Variants in NEGR1 observed in about 807,000 individuals in gnomAD.
NEGR1 encodes the protein neuronal growth regulator 1.
Under a neutral mutation model 40.9 loss-of-function variants are expected in NEGR1, and 10 were observed. The ratio of observed to expected loss-of-function variants is 0.24; its 90% confidence interval spans 0.15 to 0.42. The LOEUF is 0.42. Ranked by LOEUF, NEGR1 falls within the 10% of genes least tolerant of loss-of-function variation. NEGR1 has a pLI of 1.00. For missense variants in NEGR1, 352 were observed against 438.9 expected, an observed-to-expected ratio of 0.80 and a Z score of 1.77; for synonymous variants, 185 against 166.8, an observed-to-expected ratio of 1.11 and a Z score of -0.84.
chr1:71,988,252 G>T (rs1368385645), intron 1 of NEGR1, among the ~76,000 whole-genome samples: 5 of 152,110 alleles, frequency 3.3e-5, no homozygotes, highest in African/African-American at 1.2e-4. Context: ...AAGGGAGGAA[G>T]AAAAAAGAAG....
At position 71,744,649 on chromosome 1, in the gene NEGR1, A is replaced by C. The variant is rs188532421; in HGVS notation, c.535+31523T>G. On this transcript the variant is annotated intron_variant, in intron 3 of 6. Coordinates refer to ENST00000357731, the MANE Select transcript of NEGR1 (RefSeq NM_173808.3). ...CCTTGAGAAGGGTGAAATTCACCTAATGCATACAGGTATGTAGACACCATC... is the reference window on the plus strand; with the variant it reads ...CCTTGAGAAGGGTGAAATTCACCTACTGCATACAGGTATGTAGACACCATC... Among the ~76,000 whole-genome samples the C allele has an allele frequency of 5.6e-4, 85 of 152,196 alleles. 1 individual carries two copies. The East Asian group carries it at 0.011, about 19-fold the overall frequency.
intron 1 of NEGR1, among the ~76,000 whole-genome samples, chr1:72,096,667 A>G (rs1203458886): frequency 6.6e-6 from 1 of 151,206 alleles, no homozygotes; most frequent in African/African-American, 2.4e-5. Flanking sequence ...ATTTTATTTT[A>G]TTTTATTTTT....
chr1:71,547,093 G>A (rs1647924289), intron 6 of NEGR1, among the ~76,000 whole-genome samples: 2 of 151,622 alleles, frequency 1.3e-5, no homozygotes, highest in African/African-American at 4.8e-5. Context: ...ATTGAACTGG[G>A]GGACAATTGT....
At chr1:71,928,097 CATATGTATATAT>C (rs1557438275) in intron 2 of NEGR1, among the ~76,000 whole-genome samples, 2 of 121,544 alleles carry the variant, frequency 1.6e-5, no homozygotes, top group Non-Finnish European at 1.7e-5. Flanking sequence ...TATATACACA[CATATGTATATAT>C]ACACATATGT....
At chr1:71,663,277 T>C (rs1176820862) in intron 4 of NEGR1, among the ~76,000 whole-genome samples, 2 of 152,140 alleles carry the variant, frequency 1.3e-5, no homozygotes, top group African/African-American at 4.8e-5. Context: ...TTTTTTATAG[T>C]GGTTACGTGT....
chr1:72,280,547 T>C (rs1656207859), intron 1 of NEGR1, among the ~76,000 whole-genome samples: 1 of 152,218 alleles, frequency 6.6e-6, no homozygotes, highest in African/African-American at 2.4e-5. Context: ...GCTTAATTTA[T>C]ATCCTCTCTG....
intron 3 of NEGR1, among the ~76,000 whole-genome samples, chr1:71,750,284 C>T (rs1343093914): frequency 4.6e-5 from 7 of 152,266 alleles, no homozygotes; most frequent in Non-Finnish European, 7.4e-5. Flanking sequence ...TGAGCCACCG[C>T]GCCCGGCCCT....
At chr1:72,066,038 A>C (rs763366066) in intron 1 of NEGR1, among the ~76,000 whole-genome samples, 2 of 152,158 alleles carry the variant, frequency 1.3e-5, no homozygotes, top group Non-Finnish European at 2.9e-5. Context: ...ATCCAAGTAC[A>C]ACTATCAATA....
intron 1 of NEGR1, among the ~76,000 whole-genome samples, chr1:72,097,789 A>G (rs1648761538): frequency 6.6e-6 from 1 of 152,194 alleles, no homozygotes; most frequent in African/African-American, 2.4e-5. Context: ...TACATATAAT[A>G]TTGGCCTCAC....
chr1:71,806,288 G>T (rs1174880725), intron 2 of NEGR1, among the ~76,000 whole-genome samples: 2 of 151,960 alleles, frequency 1.3e-5, no homozygotes, highest in Admixed American at 1.3e-4. Context: ...TAAGCACCAT[G>T]TGAATTTTTA....
intron 5 of NEGR1, among the ~76,000 whole-genome samples, chr1:71,597,717 G>A (rs1649771050): frequency 6.6e-6 from 1 of 151,612 alleles, no homozygotes; most frequent in South Asian, 2.1e-4. Flanking sequence ...TACCAGCCTG[G>A]CCAACAGGGT....
At chr1:71,736,723 A>G (rs1019692080) in intron 3 of NEGR1, among the ~76,000 whole-genome samples, 3 of 152,178 alleles carry the variant, frequency 2.0e-5, no homozygotes, top group Admixed American at 1.3e-4. Context: ...AGGAACCTCA[A>G]CTGTAACTAG....
chr1:72,046,872 G>A (rs1390719056), intron 1 of NEGR1, among the ~76,000 whole-genome samples: 2 of 151,568 alleles, frequency 1.3e-5, no homozygotes, highest in Non-Finnish European at 3.0e-5. Flanking sequence ...TCTACAACAA[G>A]AAACAAATAA....
intron 2 of NEGR1, among the ~76,000 whole-genome samples, chr1:71,900,552 A>G (rs1469681769): frequency 6.6e-6 from 1 of 152,160 alleles, no homozygotes; most frequent in Non-Finnish European, 1.5e-5. Flanking sequence ...TGATACATGT[A>G]ATGTTTTGAA....
chr1:72,068,064 G>C (rs1479032547), intron 1 of NEGR1, among the ~76,000 whole-genome samples: 1 of 152,090 alleles, frequency 6.6e-6, no homozygotes, highest in Admixed American at 6.6e-5. Flanking sequence ...TAAAATTAGA[G>C]GTTCATTGAT....
chr1:71,802,389 A>G lies in NEGR1; in HGVS notation c.410-26092T>C, dbSNP rs578074563. Among the ~76,000 whole-genome samples, 11 of 152,298 alleles carry G rather than the reference A, an allele frequency of 7.2e-5. No individual in the cohort carries two copies. In the South Asian group the frequency reaches 1.9e-3, roughly 26 times the overall value. On this transcript the variant is annotated intron_variant, in intron 2 of 6. Transcript: ENST00000357731. The stretch of plus-strand genomic sequence containing the variant: ...TCCAGTGGCCAGCACAGGAAAATAG[A>G]GCTATTCATATGTGATCATGCTTTA...
At chr1:71,756,247 G>T (rs957010809) in intron 3 of NEGR1, among the ~76,000 whole-genome samples, 3 of 151,994 alleles carry the variant, frequency 2.0e-5, no homozygotes, top group Non-Finnish European at 2.9e-5. Context: ...TGTCATCTAA[G>T]ACTTTTTTGA....
chr1:72,197,067 A>T (rs981954999), intron 1 of NEGR1, among the ~76,000 whole-genome samples: 1 of 151,868 alleles, frequency 6.6e-6, no homozygotes, highest in Non-Finnish European at 1.5e-5. Flanking sequence ...AATTTTTGTG[A>T]TGTTACCTGA....
At chr1:71,679,376 A>T (rs1652754408) in intron 4 of NEGR1, among the ~76,000 whole-genome samples, 2 of 152,200 alleles carry the variant, frequency 1.3e-5, no homozygotes, top group South Asian at 4.1e-4. Context: ...TATCAAAAAT[A>T]TAGTATACTT....
Sources: allele counts gnomAD v4.1 joint callset (sites outside exome capture counted in the v4.1 genomes callset), GRCh38; gene constraint gnomAD v4.1.1; transcripts MANE v1.5; gene names NCBI Gene and HGNC (gene_info 2026-07-23, HGNC 2026-07-21).